Variants in STT3A observed in about 807,000 individuals in gnomAD.
The protein encoded by STT3A is dolichyl-diphosphooligosaccharide--protein glycosyltransferase subunit STT3A.
In STT3A, 34 loss-of-function variants were observed where a neutral mutation model predicts 89.2. The observed-to-expected ratio is 0.38, with a 90% confidence interval of 0.29 to 0.51. The LOEUF (loss-of-function observed/expected upper bound fraction) is 0.51. Ranked by LOEUF, STT3A falls within the 20% of genes least tolerant of loss-of-function variation. STT3A has a pLI of 0.89. For missense variants in STT3A, 555 were observed against 889.5 expected, an observed-to-expected ratio of 0.62 and a Z score of 4.78; for synonymous variants, 282 against 310.3, an observed-to-expected ratio of 0.91 and a Z score of 0.96.
chr11:125,619,223 T>G (rs1458232221), intron 16 of STT3A, among the ~76,000 whole-genome samples: 1 of 151,736 alleles, frequency 6.6e-6, no homozygotes, highest in Non-Finnish European at 1.5e-5. Flanking sequence ...CTAATTTTTT[T>G]TTTTTTTTGT....
At chr11:125,601,386 T>C (rs2135914211) in intron 3 of STT3A, among the ~76,000 whole-genome samples, 1 of 152,274 alleles carries the variant, frequency 6.6e-6, no homozygotes, top group South Asian at 2.1e-4. Context: ...TTTGTGAGGC[T>C]GGGGCAGGTG....
In STT3A at chr11:125,605,792, T is replaced by C. The variant is rs1482693944; in HGVS notation, c.615+57T>C. 10 of 1,435,268 alleles carry C rather than the reference T, an allele frequency of 7.0e-6. No homozygotes were observed. In the African/African-American group the frequency reaches 1.1e-4, roughly 16 times the overall value. The allele number at this position is 1,435,268 out of a possible 1,614,324, so 88.9% of individuals were successfully genotyped here. A position where few individuals can be genotyped will look rare whatever the true frequency, so the allele number is the denominator to read the frequency against. On this transcript the variant is annotated intron_variant, in intron 7 of 17. Transcript: ENST00000392708. ...AGTTCTCTAAATACTGTATTTCCTATGGGTACTTATTGTTTGACCAACTTT... is the reference window on the plus strand; with the variant it reads ...AGTTCTCTAAATACTGTATTTCCTACGGGTACTTATTGTTTGACCAACTTT...
chr11:125,595,089 GT>G (rs1252969994), intron 1 of STT3A: 7 of 151,838 alleles, frequency 4.6e-5, no homozygotes, highest in Non-Finnish European at 8.8e-5. Context: ...TTCAGTTGAA[GT>G]TTAAATTTAG....
chr11:125,620,209 C>T (rs531594874), intron 17 of STT3A, 83 bp downstream of exon 17: 1 of 1,089,158 alleles, frequency 9.2e-7, no homozygotes, highest in East Asian at 2.5e-5. Flanking sequence ...ACATATATTT[C>T]TCAAATAGGG....
rs184800998 is a variant in STT3A at position 125,600,299 on chromosome 11, G to A, written c.150-2004G>A. ...TCCCGACCTCAGGTGATCCACCTGC[G>A]TCGGCCTCCCAAAGTGCTGAGATTA... is the stretch of plus-strand genomic sequence containing the variant. On this transcript the variant is annotated intron_variant, in intron 3 of 17. Transcript: ENST00000392708. Among the ~76,000 whole-genome samples, 52 of 151,658 alleles carry A rather than the reference G, an allele frequency of 3.4e-4. No homozygotes were observed. In the South Asian group the frequency reaches 0.01, roughly 30 times the overall value.
chr11:125,603,158 C>T (rs1273386728), intron 5 of STT3A, among the ~76,000 whole-genome samples: 1 of 151,750 alleles, frequency 6.6e-6, no homozygotes, highest in Non-Finnish European at 1.5e-5. Context: ...TATGAGAGTA[C>T]AGTTGAAAGT....
Position 125,613,063 on chromosome 11 carries a change from T to G in STT3A, c.1440T>G (p.Ser480Arg). ...TYTFHSTWVT[S>R]EAYSSPSIVL... Reference sequence around the variant, plus strand: ...CCTTTCATTCAACCTGGGTGACCAGTGAGGCCTACTCTTCTCCGTCCATTG... The same window carrying G: ...CCTTTCATTCAACCTGGGTGACCAGGGAGGCCTACTCTTCTCCGTCCATTG... The change falls in exon 13 of 18, where the codon AGT (serine) becomes AGG (arginine). Residue 480 changes from serine to arginine, a missense_variant. Transcript: ENST00000392708. The surrounding 1 kb of genome is among the most constrained non-coding windows in gnomAD (Gnocchi z 4.2). The G allele has an allele frequency of 4.3e-6, 7 of 1,614,148 alleles. No homozygotes were observed. The highest frequency in any genetic ancestry group is 5.9e-6 in the Non-Finnish European group (7 of 1,180,020).
At position 125,615,865 on chromosome 11, in the gene STT3A, C is replaced by A. The variant is rs182427862; in HGVS notation, c.1774+1439C>A. On this transcript the variant is annotated intron_variant, in intron 15 of 17. Coordinates refer to ENST00000392708, the MANE Select transcript of STT3A (RefSeq NM_152713.5). Reference sequence around the variant, plus strand: ...CAGCCTGCCCAACATGATGAAACCCCGTCTCTACTAAAAAAATACAAAAAT... The same window carrying A: ...CAGCCTGCCCAACATGATGAAACCCAGTCTCTACTAAAAAAATACAAAAAT... 1.9e-4 allele frequency among the ~76,000 whole-genome samples: 29 copies of A among 152,188 alleles called. 1 individual carries two copies. The highest frequency in any genetic ancestry group is 6.5e-4 in the African/African-American group (27 of 41,534).
In STT3A at chr11:125,614,265, C is replaced by CAT; in HGVS notation, c.1672-58_1672-57dup. The stretch of plus-strand genomic sequence containing the variant: ...CAAGGTCTAATGGGAAATGTGTCTG[C>CAT]ATGAGGGGATCATATGACTTGGGAT... On this transcript the variant is annotated intron_variant, in intron 14 of 17. Coordinates refer to ENST00000392708, the MANE Select transcript of STT3A (RefSeq NM_152713.5). This position sits in a 1 kb window ranked among gnomAD's most constrained non-coding sequence, Gnocchi z 4.9. 8.7e-6 allele frequency: 14 copies of CAT among 1,611,646 alleles called. No homozygotes were observed. In the South Asian group the frequency reaches 1.4e-4, roughly 16 times the overall value.
chr11:125,611,598 A>G, intron 11 of STT3A, 79 bp downstream of exon 11: 2 of 1,299,000 alleles, frequency 1.5e-6, no homozygotes, highest in Non-Finnish European at 2.2e-6. Flanking sequence ...GAATTCAGAA[A>G]GTACTGATGA....
intron 11 of STT3A, among the ~76,000 whole-genome samples, chr11:125,611,730 C>T (rs11220156): frequency 0.036 from 5,516 of 152,048 alleles, 329 homozygotes; most frequent in African/African-American, 0.12. Flanking sequence ...GGATTCGTAA[C>T]TTTGTATTAT....
intron 3 of STT3A, among the ~76,000 whole-genome samples, chr11:125,600,843 G>A (rs541609703): frequency 9.2e-5 from 14 of 152,134 alleles, no homozygotes; most frequent in Non-Finnish European, 1.9e-4. Context: ...CTGGAGCACA[G>A]TGTTGTGATC....
In STT3A at chr11:125,609,643, TC is replaced by T. The variant is rs752379755; in HGVS notation, c.1117+56del. 5.2e-5 allele frequency: 82 copies of T among 1,570,330 alleles called. 1 individual carries two copies. The African/African-American group carries it at 8.6e-4, about 16-fold the overall frequency. On this transcript the variant is annotated intron_variant, in intron 10 of 17. Transcript: ENST00000392708. ...TTGTTCATAAGAATCACAATTTGATTCCAAATTTGCAAGCTACCCTCATTCG... is the reference window on the plus strand; with the variant it reads ...TTGTTCATAAGAATCACAATTTGATTCAAATTTGCAAGCTACCCTCATTCG...
chr11:125,620,238 G>T, intron 17 of STT3A, 112 bp downstream of exon 17: 1 of 808,408 alleles, frequency 1.2e-6, no homozygotes, highest in East Asian at 2.7e-5. Flanking sequence ...CATGACACCT[G>T]TGCTTGAAAA....
chr11:125,597,819 T>C (rs1401589342), intron 3 of STT3A, among the ~76,000 whole-genome samples: 1 of 152,236 alleles, frequency 6.6e-6, no homozygotes, highest in Non-Finnish European at 1.5e-5. Flanking sequence ...TAACTAGTAT[T>C]TACTAAGCAT....
In STT3A at chr11:125,620,880, T is replaced by G. The variant is rs1940329174; in HGVS notation, c.*70T>G. 1.4e-6 allele frequency: 2 copies of G among 1,444,162 alleles called. No homozygotes were observed. Among genetic ancestry groups the G allele is most frequent in the South Asian group, 1.3e-5 (1 of 78,084 alleles). 89.5% of individuals were successfully genotyped at this position (1,444,162 alleles called of 1,614,324 possible). On this transcript the variant is annotated 3_prime_UTR_variant, in exon 18 of 18. Transcript: ENST00000392708. ...TTTAGGACGTTGAAGATTTTTTTTT[T>G]TTTTTTTTTTTAATATGCAGTTTGT...
At chr11:125,606,519 A>T in intron 8 of STT3A, 54 bp downstream of exon 8, 2 of 1,532,226 alleles carry the variant, frequency 1.3e-6, no homozygotes, top group Non-Finnish European at 1.8e-6. Flanking sequence ...ATGCAGCCCC[A>T]ACTAGACTGA....
At chr11:125,618,702 CTGATATTA>C in intron 16 of STT3A, 141 bp downstream of exon 16, 1 of 769,836 alleles carries the variant, frequency 1.3e-6, no homozygotes, top group Non-Finnish European at 1.9e-6. Flanking sequence ...AAGGCATATA[CTGATATTA>C]TTGTCATATT....
At position 125,613,020 on chromosome 11, in the gene STT3A, T is replaced by G. The variant is rs1252446068; in HGVS notation, c.1397T>G (p.Phe466Cys). Residue 466 changes from phenylalanine (F) to cysteine (C), a missense_variant, in exon 13 of 18, where the codon TTC becomes TGC. Transcript: ENST00000392708. This position sits in a 1 kb window ranked among gnomAD's most constrained non-coding sequence, Gnocchi z 4.2. ...VASGMILVMA[F>C]FLITYTFHST... is the part of the protein sequence containing the mutation. Reference sequence around the variant, plus strand: ...AGTGGGATGATACTGGTCATGGCTTTCTTTCTCATCACCTACACCTTTCAT... The same window carrying G: ...AGTGGGATGATACTGGTCATGGCTTGCTTTCTCATCACCTACACCTTTCAT... 4 of 1,614,110 alleles carry G rather than the reference T, an allele frequency of 2.5e-6. No individual in the cohort carries two copies. The Admixed American group carries it at 5.0e-5, about 20-fold the overall frequency.
Sources: allele counts gnomAD v4.1 joint callset (sites outside exome capture counted in the v4.1 genomes callset), GRCh38; gene constraint gnomAD v4.1.1; non-coding constraint Gnocchi (gnomAD v3.1); transcripts MANE v1.5; gene names NCBI Gene and HGNC (gene_info 2026-07-23, HGNC 2026-07-21).